FHIT: variants seen among roughly 807,000 people sequenced by gnomAD.
FHIT encodes the protein fragile histidine triad diadenosine triphosphatase, also known as bis(5'-adenosyl)-triphosphatase.
Under a neutral mutation model 17.9 loss-of-function variants are expected in FHIT, and 19 were observed. The observed-to-expected ratio is 1.06, with a 90% CI of 0.74 to 1.56. The LOEUF is 1.56. Ranked by LOEUF, FHIT falls within the 40% of genes most tolerant of loss-of-function variation. The probability of loss-of-function intolerance (pLI) is 0.00; values close to 1 mark genes in which losing one functional copy is unlikely to be tolerated. For missense variants in FHIT, 248 were observed against 189.2 expected (o/e 1.31, Z -1.82); for synonymous variants, 81 against 69.7 (o/e 1.16, Z -0.81).
chr3:59,933,289 C>T (rs889805652), intron 7 of FHIT, among the ~76,000 whole-genome samples: 1 of 152,022 alleles, frequency 6.6e-6, no homozygotes, highest in Non-Finnish European at 1.5e-5. Context: ...TTCACATAAG[C>T]CAAAAAGCTT....
chr3:60,981,365 C>T (rs775538663), intron 3 of FHIT, among the ~76,000 whole-genome samples: 38 of 143,946 alleles, frequency 2.6e-4, no homozygotes, highest in Middle Eastern at 3.8e-3. Flanking sequence ...AGTGCAGTAG[C>T]GTGATCTTAG....
At chr3:60,750,874 A>G (rs2042452049) in intron 4 of FHIT, among the ~76,000 whole-genome samples, 1 of 152,188 alleles carries the variant, frequency 6.6e-6, no homozygotes, top group Non-Finnish European at 1.5e-5. Context: ...TATTCAGACA[A>G]GCCGACTTCA....
intron 8 of FHIT, among the ~76,000 whole-genome samples, chr3:59,835,347 C>T (rs1416266496): frequency 6.6e-6 from 1 of 152,126 alleles, no homozygotes; most frequent in Non-Finnish European, 1.5e-5. Context: ...CCCTTTCCCG[C>T]CTATTATGTC....
intron 5 of FHIT, among the ~76,000 whole-genome samples, chr3:60,252,981 G>C (rs1576373075): frequency 6.6e-6 from 1 of 152,172 alleles, no homozygotes; most frequent in East Asian, 1.9e-4. Context: ...CTGGGTGACA[G>C]AGCGAGACTC....
intron 3 of FHIT, among the ~76,000 whole-genome samples, chr3:60,952,139 G>A (rs1553777371): frequency 6.6e-6 from 1 of 151,324 alleles, no homozygotes; most frequent in African/African-American, 2.4e-5. Flanking sequence ...ACTCCAGCCT[G>A]GGAGACAAGA....
intron 2 of FHIT, among the ~76,000 whole-genome samples, chr3:61,066,308 T>G (rs927639111): frequency 3.3e-5 from 5 of 152,108 alleles, no homozygotes; most frequent in African/African-American, 1.2e-4. Flanking sequence ...AACACAGCAT[T>G]CATCTTCTTA....
intron 5 of FHIT, among the ~76,000 whole-genome samples, chr3:60,430,264 T>G (rs1310399771): frequency 1.3e-5 from 2 of 152,092 alleles, no homozygotes; most frequent in East Asian, 3.9e-4. Context: ...ATTTTTTCAC[T>G]AAGTACCTCT....
At chr3:60,934,243 G>A (rs141213473) in intron 3 of FHIT, among the ~76,000 whole-genome samples, 40 of 151,956 alleles carry the variant, frequency 2.6e-4, no homozygotes, top group African/African-American at 9.2e-4. Flanking sequence ...ATTCATGGGC[G>A]AATGTGTCAA....
intron 1 of FHIT, among the ~76,000 whole-genome samples, chr3:61,247,884 C>T (rs1462265789): frequency 6.6e-6 from 1 of 152,124 alleles, no homozygotes; most frequent in African/African-American, 2.4e-5. Flanking sequence ...GGTAGAAATG[C>T]TTATTATCCC....
chr3:60,854,380 T>C (rs1199751837), intron 3 of FHIT, among the ~76,000 whole-genome samples: 1 of 152,082 alleles, frequency 6.6e-6, no homozygotes, highest in Non-Finnish European at 1.5e-5. Flanking sequence ...TCAGATGCAT[T>C]AATTGCAATC....
At chr3:59,930,483 C>T (rs1002366042) in intron 7 of FHIT, among the ~76,000 whole-genome samples, 5 of 152,100 alleles carry the variant, frequency 3.3e-5, no homozygotes, top group African/African-American at 1.2e-4. Flanking sequence ...CTGCAAATCC[C>T]AAAGCCCTAG....
intron 5 of FHIT, among the ~76,000 whole-genome samples, chr3:60,183,480 TGAAGTCAACACC>T (rs1464822369): frequency 3.2e-4 from 48 of 152,256 alleles, no homozygotes. Context: ...TTGTTCAATT[TGAAGTCAACACC>T]GTGACTAACA....
intron 8 of FHIT, among the ~76,000 whole-genome samples, chr3:59,783,154 C>G (rs2106889403): frequency 6.6e-6 from 1 of 152,260 alleles, no homozygotes; most frequent in African/African-American, 2.4e-5. Flanking sequence ...TCACACAAAC[C>G]TCTAATAGTA....
chr3:60,460,011 A>G lies in FHIT; in HGVS notation c.103+76849T>C, dbSNP rs78932085. Among the ~76,000 whole-genome samples, 439 of 152,288 alleles carry G rather than the reference A, an allele frequency of 2.9e-3. 2 individuals are homozygous for G. Among genetic ancestry groups the G allele is most frequent in the African/African-American group, 0.01 (420 of 41,576 alleles). Reference sequence around the variant, plus strand: ...GCAATCAGCAACCCAAAAGTCCTGTAAAATAGCCAAAGGTCAAAATAGTTC... The same window carrying G: ...GCAATCAGCAACCCAAAAGTCCTGTGAAATAGCCAAAGGTCAAAATAGTTC... On this transcript the variant is annotated intron_variant, in intron 5 of 9. Transcript: ENST00000492590.
At chr3:60,879,565 C>G (rs563425421) in intron 3 of FHIT, among the ~76,000 whole-genome samples, 15 of 152,162 alleles carry the variant, frequency 9.9e-5, no homozygotes, top group African/African-American at 3.4e-4. Context: ...TAGTAACAAA[C>G]CCTAATGACA....
At chr3:60,638,682 G>T (rs2039650755) in intron 4 of FHIT, among the ~76,000 whole-genome samples, 2 of 151,950 alleles carry the variant, frequency 1.3e-5, no homozygotes, top group South Asian at 4.2e-4. Context: ...TGCTCCCTAT[G>T]ATATATTAAT....
intron 7 of FHIT, among the ~76,000 whole-genome samples, chr3:59,926,744 C>A (rs549630782): frequency 6.6e-6 from 1 of 152,290 alleles, no homozygotes; most frequent in South Asian, 2.1e-4. Context: ...CATTATTAGT[C>A]ATTAGGGAAA....
At chr3:59,837,883 GC>G (rs1454721585) in intron 8 of FHIT, among the ~76,000 whole-genome samples, 1 of 152,042 alleles carries the variant, frequency 6.6e-6, no homozygotes, top group Non-Finnish European at 1.5e-5. Flanking sequence ...AGTAATATCT[GC>G]CCCAGAAGGT....
At chr3:60,821,106 G>T (rs1258936468) in intron 4 of FHIT, among the ~76,000 whole-genome samples, 2 of 152,000 alleles carry the variant, frequency 1.3e-5, no homozygotes, top group Non-Finnish European at 2.9e-5. Flanking sequence ...CTCCTGAGTA[G>T]CTGGGATTAC....
Sources: allele counts gnomAD v4.1 joint callset (sites outside exome capture counted in the v4.1 genomes callset), GRCh38; gene constraint gnomAD v4.1.1; transcripts MANE v1.5; gene names NCBI Gene and HGNC (gene_info 2026-07-23, HGNC 2026-07-21).